Variants in PPP3CA observed in about 807,000 individuals in gnomAD.
PPP3CA encodes protein phosphatase 3 catalytic subunit alpha.
In PPP3CA, 14 loss-of-function variants were observed where a neutral mutation model predicts 66.5. That is an observed-to-expected ratio of 0.21 (90% CI 0.14 to 0.33). PPP3CA has a LOEUF of 0.33. Ranked by LOEUF, PPP3CA falls within the 10% of genes least tolerant of loss-of-function variation. The pLI, the probability that PPP3CA is intolerant of heterozygous loss-of-function variation, is 1.00. For synonymous variants in PPP3CA, 232 were observed against 226.2 expected (o/e 1.03, Z -0.23); for missense variants, 317 against 639.5 (o/e 0.50, Z 5.44).
chr4:101,083,619 TAA>T (rs1234491154), intron 6 of PPP3CA, among the ~76,000 whole-genome samples: 16 of 152,352 alleles, frequency 1.1e-4, no homozygotes, highest in East Asian at 3.9e-4. Flanking sequence ...ATTTAAAATA[TAA>T]GTCTCAATTT....
At chr4:101,249,371 C>G in intron 1 of PPP3CA, among the ~76,000 whole-genome samples, 1 of 151,860 alleles carries the variant, frequency 6.6e-6, no homozygotes, top group South Asian at 2.1e-4. Flanking sequence ...TAAAACAATG[C>G]CTTTGGTATT....
At position 101,098,495 on chromosome 4, in the gene PPP3CA, C is replaced by T; in HGVS notation, c.514G>A (p.Glu172Lys). ...FKQECKIKYSERVYDACMDAF... is the reference protein window; with the variant it reads ...FKQECKIKYSKRVYDACMDAF... ...TCCATACAGGCATCATATACGCGTT[C>T]TGAATACTTTATTTTACCTTTTAGA... Residue 172 changes from glutamate to lysine, a missense_variant, in exon 5 of 14, where the codon GAA becomes AAA. Glu to Lys is a moderately conservative substitution (Grantham distance 56). Around this residue, in one of 3 missense-constraint regions of PPP3CA, gnomAD observed 201 missense variants for 501.4 expected, o/e 0.40. Coordinates refer to ENST00000394854, the MANE Select transcript of PPP3CA (RefSeq NM_000944.5). 1 of 1,606,312 alleles carries T rather than the reference C, an allele frequency of 6.2e-7. No individual in the cohort carries two copies. Among genetic ancestry groups the T allele is most frequent in the Non-Finnish European group, 8.5e-7 (1 of 1,176,424 alleles).
intron 3 of PPP3CA, among the ~76,000 whole-genome samples, chr4:101,102,171 G>A (rs1293896309): frequency 1.3e-5 from 2 of 151,266 alleles, no homozygotes; most frequent in African/African-American, 4.9e-5. Context: ...AAAGTACCTA[G>A]TATATGACAG....
intron 1 of PPP3CA, among the ~76,000 whole-genome samples, chr4:101,324,622 G>A (rs1346453835): frequency 1.3e-5 from 2 of 151,736 alleles, no homozygotes; most frequent in Admixed American, 1.3e-4. Flanking sequence ...TCCAGTTTTT[G>A]TCCATTTGGT....
chr4:101,089,724 A>G (rs1443773579), intron 6 of PPP3CA, among the ~76,000 whole-genome samples: 1 of 152,178 alleles, frequency 6.6e-6, no homozygotes. Flanking sequence ...CCCTGCTCCA[A>G]GTATCTCAAC....
At chr4:101,091,823 A>G (rs1198926818) in intron 6 of PPP3CA, among the ~76,000 whole-genome samples, 2 of 39,750 alleles carry the variant, frequency 5.0e-5, no homozygotes, top group Non-Finnish European at 9.7e-5. Context: ...TTCAGTATCT[A>G]ATAATAATAA....
At position 101,317,528 on chromosome 4, in the gene PPP3CA, A is replaced by T. The variant is rs187238926; in HGVS notation, c.58+29211T>A. 4.3e-4 allele frequency among the ~76,000 whole-genome samples: 66 copies of T among 152,296 alleles called. 1 individual carries two copies. The highest frequency in any genetic ancestry group is 1.5e-3 in the African/African-American group (61 of 41,552). ...ATATTTTATCATTCTTTAAATTTAC[A>T]CAGATTTCCAAAGATCATGATTAAG... is the stretch of plus-strand genomic sequence containing the variant. On this transcript the variant is annotated intron_variant, in intron 1 of 13. Transcript: ENST00000394854.
rs969823630 is a variant in PPP3CA, at chr4:101,157,806, G to C, written c.259+38110C>G. On this transcript the variant is annotated intron_variant, in intron 2 of 13. Transcript: ENST00000394854. ...TGATTTTTTAAAATCAGAATTGTAC[G>C]GTTCTGCCTTTTATTTCAGAAAATG... Among the ~76,000 whole-genome samples, 6 of 148,212 alleles carry C rather than the reference G, an allele frequency of 4.0e-5. No individual in the cohort carries two copies. The Admixed American group carries it at 4.1e-4, about 10-fold the overall frequency.
At chr4:101,255,609 C>T (rs1246783191) in intron 1 of PPP3CA, among the ~76,000 whole-genome samples, 1 of 151,772 alleles carries the variant, frequency 6.6e-6, no homozygotes, top group Non-Finnish European at 1.5e-5. Flanking sequence ...ACAATTCTAA[C>T]ATCTTATTGT....
At chr4:101,205,112 T>A (rs553127521) in intron 1 of PPP3CA, among the ~76,000 whole-genome samples, 1 of 151,902 alleles carries the variant, frequency 6.6e-6, no homozygotes, top group Non-Finnish European at 1.5e-5. Context: ...TATACATTTA[T>A]TTTTTGGCCT....
Position 101,195,894 on chromosome 4 carries a change from A to G in PPP3CA, c.259+22T>C, listed in dbSNP as rs757762344. 7 of 1,607,698 alleles carry G rather than the reference A, an allele frequency of 4.4e-6. No individual in the cohort carries two copies. The Admixed American group carries it at 8.4e-5, about 19-fold the overall frequency. On this transcript the variant is annotated intron_variant, in intron 2 of 13. Coordinates refer to ENST00000394854, the MANE Select transcript of PPP3CA (RefSeq NM_000944.5). ...CAACAAAATGTGTATACAAGTGGGCAACCTCCCTCCTCAGGACTTACCAGT... is the reference window on the plus strand; with the variant it reads ...CAACAAAATGTGTATACAAGTGGGCGACCTCCCTCCTCAGGACTTACCAGT...
intron 2 of PPP3CA, among the ~76,000 whole-genome samples, chr4:101,179,468 G>A (rs1312756506): frequency 6.6e-6 from 1 of 152,110 alleles, no homozygotes; most frequent in Non-Finnish European, 1.5e-5. Context: ...TAGAAACTCA[G>A]CATGCTGTCT....
At chr4:101,078,172 T>C (rs1271213492) in intron 8 of PPP3CA, among the ~76,000 whole-genome samples, 1 of 152,132 alleles carries the variant, frequency 6.6e-6, no homozygotes, top group Non-Finnish European at 1.5e-5. Context: ...CTCATGTTTA[T>C]AAAAAATATA....
chr4:101,146,918 T>A (rs1046881277), intron 2 of PPP3CA, among the ~76,000 whole-genome samples: 1 of 152,190 alleles, frequency 6.6e-6, no homozygotes, highest in Non-Finnish European at 1.5e-5. Flanking sequence ...TTGAGCATCA[T>A]GTCAGTGCTC....
chr4:101,274,642 C>T (rs188035181), intron 1 of PPP3CA, among the ~76,000 whole-genome samples: 26 of 152,060 alleles, frequency 1.7e-4, no homozygotes, highest in Non-Finnish European at 3.8e-4. Context: ...TTTCTATGTA[C>T]GTATTACAGC....
At chr4:101,262,436 G>A (rs1454568308) in intron 1 of PPP3CA, among the ~76,000 whole-genome samples, 2 of 151,960 alleles carry the variant, frequency 1.3e-5, no homozygotes, top group East Asian at 3.9e-4. Context: ...TTTTGTCTGG[G>A]TTTCCTTTTT....
chr4:101,103,185 C>T (rs1730523398), intron 3 of PPP3CA, among the ~76,000 whole-genome samples: 1 of 151,886 alleles, frequency 6.6e-6, no homozygotes, highest in Non-Finnish European at 1.5e-5. Flanking sequence ...TTGAAAATTG[C>T]ATAGAGAAGT....
intron 2 of PPP3CA, among the ~76,000 whole-genome samples, chr4:101,115,226 C>T (rs1222027385): frequency 6.6e-6 from 1 of 151,940 alleles, no homozygotes; most frequent in East Asian, 1.9e-4. Context: ...GTCTAAGAAT[C>T]CCTAAAACCA....
intron 2 of PPP3CA, among the ~76,000 whole-genome samples, chr4:101,109,467 G>C (rs1326845080): frequency 6.6e-6 from 1 of 151,696 alleles, no homozygotes; most frequent in Non-Finnish European, 1.5e-5. Context: ...GCAGGTAAAA[G>C]ACGACACCAA....
Sources: allele counts gnomAD v4.1 joint callset (sites outside exome capture counted in the v4.1 genomes callset), GRCh38; gene constraint gnomAD v4.1.1; regional missense constraint gnomAD v4.1.1; transcripts MANE v1.5; gene names NCBI Gene and HGNC (gene_info 2026-07-23, HGNC 2026-07-21).